The following EIF4G1 variants were observed in gnomAD, a reference collection of about 807,000 sequenced individuals.
EIF4G1 encodes EIF4-gamma.
EIF4G1 carries 4 observed loss-of-function variants against 187.8 expected under a neutral mutation model. The observed-to-expected ratio is 0.02, with a 90% confidence interval of 0.01 to 0.05. The LOEUF (loss-of-function observed/expected upper bound fraction) is 0.05. Ranked by LOEUF, EIF4G1 falls within the 10% of genes least tolerant of loss-of-function variation. EIF4G1 has a pLI of 1.00. For missense variants in EIF4G1, 1,647 were observed against 2,081.1 expected (o/e 0.79, Z 4.06); for synonymous variants, 844 against 781.4 (o/e 1.08, Z -1.34).
At chr3:184,316,655 TC>T in intron 4 of EIF4G1, 2 of 1,516,522 alleles carry the variant, frequency 1.3e-6, no homozygotes, top group East Asian at 2.3e-5. Flanking sequence ...CTTCATTCCC[TC>T]CCCCCGCCAT....
rs1443043896 is a variant in EIF4G1 at position 184,315,467 on chromosome 3, T to A, written c.-91-22T>A. The A allele has an allele frequency of 8.1e-6, 5 of 613,822 alleles. No homozygotes were observed. In the African/African-American group the frequency reaches 9.0e-5, roughly 11 times the overall value. The allele number at this position is 613,822 out of a possible 1,614,324, so 38.0% of individuals were successfully genotyped here. A position where few individuals can be genotyped will look rare whatever the true frequency, so the allele number is the denominator to read the frequency against. On this transcript the variant is annotated intron_variant, in intron 1 of 32. Coordinates refer to ENST00000346169, the MANE Select transcript of EIF4G1 (RefSeq NM_198241.3). The stretch of plus-strand genomic sequence containing the variant: ...CTGGGGCCCCGCGGAGCCAGGTTGA[T>A]ACCCTCACCTCCCAACCCCAGGCCC...
intron 10 of EIF4G1, 57 bp downstream of exon 10, chr3:184,322,160 C>T: frequency 6.2e-7 from 1 of 1,611,776 alleles, no homozygotes; most frequent in Non-Finnish European, 8.5e-7. Flanking sequence ...GTTCCTTGCC[C>T]TCCTTGATGA....
chr3:184,328,089 G>T, intron 26 of EIF4G1, 87 bp downstream of exon 26: 2 of 1,504,326 alleles, frequency 1.3e-6, no homozygotes, highest in Non-Finnish European at 1.8e-6. Flanking sequence ...TTGCATAAGA[G>T]TGTAGGTTCC....
intron 6 of EIF4G1, 31 bp downstream of exon 6, chr3:184,317,847 C>G (rs764745968): frequency 3.9e-5 from 60 of 1,524,994 alleles, no homozygotes; most frequent in Non-Finnish European, 4.5e-5. Flanking sequence ...GAGGTGAGAA[C>G]AAGCCCAAGG....
Position 184,327,914 on chromosome 3 carries a change from C to T in EIF4G1, c.3865C>T (p.Arg1289Cys), listed in dbSNP as rs1023578171. 40 of 1,613,272 alleles carry T rather than the reference C, an allele frequency of 2.5e-5. No individual in the cohort carries two copies. Among genetic ancestry groups the T allele is most frequent in the Non-Finnish European group, 3.2e-5 (38 of 1,180,054 alleles). The change falls in exon 26 of 33, where the codon CGC becomes TGC. Residue 1289 changes from arginine (R) to cysteine (C), a missense_variant. This residue lies in a region of EIF4G1 where 543 missense variants were observed against 638.0 expected (regional missense o/e 0.85). Transcript: ENST00000346169. The part of the protein sequence containing the change: ...VRHGVESTLE[R>C]SAIAREHMGQ... ...GCATGGTGTCGAGTCTACGCTGGAG[C>T]GCAGTGCCATTGCTCGTGAGCATAT...
rs1193095189 is a variant in EIF4G1, at chr3:184,320,590, C to A, written c.538-40C>A. 1.9e-6 allele frequency: 3 copies of A among 1,613,886 alleles called. No individual in the cohort carries two copies. In the East Asian group the frequency reaches 6.7e-5, roughly 36 times the overall value. The stretch of plus-strand genomic sequence containing the variant: ...TTGGGGCAGGGTGGAGAGGTGGGCT[C>A]TTCCTGCTTCCCACTCATCTTATAG... On this transcript the variant is annotated intron_variant, in intron 7 of 32. Transcript: ENST00000346169.
chr3:184,331,717 C>T lies in EIF4G1; in HGVS notation c.4396-11C>T, dbSNP rs1336602558. The T allele has an allele frequency of 6.2e-7, 1 of 1,614,206 alleles. No individual in the cohort carries two copies. Among genetic ancestry groups the T allele is most frequent in the Non-Finnish European group, 8.5e-7 (1 of 1,180,046 alleles). On this transcript the variant is annotated splice_polypyrimidine_tract_variant and intron_variant, in intron 30 of 32. Transcript: ENST00000346169. ...TTCAGAATCTGGGGATCATTTGTTT[C>T]TCCCATACAGGCCAACCTGAGTGAG...
intron 28 of EIF4G1, 143 bp from the exon 29 acceptor site, chr3:184,331,123 T>C (rs1309404762): frequency 1.1e-6 from 1 of 886,732 alleles, no homozygotes; most frequent in Non-Finnish European, 1.9e-6. Context: ...GGGCTTTGCC[T>C]ATTAGTATTT....
At chr3:184,333,391 C>A (rs546555495) in intron 32 of EIF4G1, among the ~76,000 whole-genome samples, 1 of 152,092 alleles carries the variant, frequency 6.6e-6, no homozygotes, top group African/African-American at 2.4e-5. Flanking sequence ...CAGGGTAACT[C>A]ATGTGCAAGT....
intron 4 of EIF4G1, chr3:184,316,656 C>G (rs1487568740): frequency 6.6e-7 from 1 of 1,521,276 alleles, no homozygotes; most frequent in African/African-American, 1.4e-5. Context: ...TTCATTCCCT[C>G]CCCCCGCCAT....
intron 8 of EIF4G1, 32 bp from the exon 9 acceptor site, chr3:184,320,895 G>T (rs772082870): frequency 1.9e-6 from 3 of 1,614,046 alleles, no homozygotes; most frequent in Non-Finnish European, 2.5e-6. Flanking sequence ...GGACTCTTCA[G>T]TGCAAACTTG....
chr3:184,320,042 G>C (rs537268474), intron 7 of EIF4G1, among the ~76,000 whole-genome samples: 1 of 152,286 alleles, frequency 6.6e-6, no homozygotes, highest in African/African-American at 2.4e-5. Context: ...GGTGCTGGGG[G>C]GTTGGAAGAA....
chr3:184,322,371 C>G lies in EIF4G1; in HGVS notation c.1529C>G (p.Ser510Cys), dbSNP rs997186898. ...ATTTATTTTTAATTAGTGGCAGTAT[C>G]TGTGCCAAAGAGGAGACGGAAAATT... ...EAAAATQVAV[S>C]VPKRRRKIKE... The change falls in exon 11 of 33, where the codon TCT (serine) becomes TGT (cysteine). Residue 510 changes from serine to cysteine, a missense_variant. This residue lies in a region of EIF4G1 where 522 missense variants were observed against 485.2 expected (regional missense o/e 1.08). Transcript: ENST00000346169. 4.3e-6 allele frequency: 7 copies of G among 1,613,794 alleles called. No individual in the cohort carries two copies. The highest frequency in any genetic ancestry group is 2.7e-5 in the African/African-American group (2 of 74,880).
At chr3:184,316,870 A>G in intron 4 of EIF4G1, 1 of 910,028 alleles carries the variant, frequency 1.1e-6, no homozygotes, top group Non-Finnish European at 1.7e-6. Context: ...TTGGAGGCCG[A>G]GTGATGCATG....
rs1274264233 is a variant in EIF4G1 at position 184,321,710 on chromosome 3, T to C, written c.1126T>C (p.Ser376Pro). 3.1e-6 allele frequency: 5 copies of C among 1,591,604 alleles called. No homozygotes were observed. The African/African-American group carries it at 6.7e-5, about 21-fold the overall frequency. ...PSEDLEPEVE[S>P]SPELAPPPAC... is the part of the protein sequence containing the mutation. ...TGAAGATCTGGAACCAGAGGTGGAG[T>C]CAAGCCCAGAGCTTGCTCCTCCCCC... is the stretch of plus-strand genomic sequence containing the variant. Residue 376 changes from serine (S) to proline (P), a missense_variant, in exon 10 of 33, where the codon TCA becomes CCA. Coordinates refer to ENST00000346169, the MANE Select transcript of EIF4G1 (RefSeq NM_198241.3).
intron 7 of EIF4G1, chr3:184,320,393 G>A: frequency 7.1e-7 from 1 of 1,418,288 alleles, no homozygotes; most frequent in Non-Finnish European, 9.2e-7. Flanking sequence ...GGGAGGGAGG[G>A]GCATTGTGAT....
Position 184,331,708 on chromosome 3 carries a change from C to T in EIF4G1, c.4396-20C>T, listed in dbSNP as rs76086567. 3.0e-3 allele frequency: 4,770 copies of T among 1,614,124 alleles called. 130 individuals carry two copies. The African/African-American group carries it at 0.055, about 19-fold the overall frequency. ...AGGGCCCAATTCAGAATCTGGGGATCATTTGTTTCTCCCATACAGGCCAAC... is the reference window on the plus strand; with the variant it reads ...AGGGCCCAATTCAGAATCTGGGGATTATTTGTTTCTCCCATACAGGCCAAC... On this transcript the variant is annotated intron_variant, in intron 30 of 32. Coordinates refer to ENST00000346169, the MANE Select transcript of EIF4G1 (RefSeq NM_198241.3).
intron 4 of EIF4G1, chr3:184,316,728 C>T: frequency 6.3e-7 from 1 of 1,596,300 alleles, no homozygotes; most frequent in Non-Finnish European, 8.5e-7. Context: ...ATTCAGGTCT[C>T]TGCAGGTAAT....
chr3:184,321,441 C>A lies in EIF4G1; in HGVS notation c.857C>A (p.Pro286His). 1 of 1,614,166 alleles carries A rather than the reference C, an allele frequency of 6.2e-7. No homozygotes were observed. Among genetic ancestry groups the A allele is most frequent in the Non-Finnish European group, 8.5e-7 (1 of 1,180,030 alleles). The change falls in exon 10 of 33, where the codon CCT (proline) becomes CAT (histidine). Residue 286 changes from proline (P) to histidine (H), a missense_variant. Pro to His is a moderately conservative substitution (Grantham distance 77). This residue lies in a region of EIF4G1 where 522 missense variants were observed against 485.2 expected (regional missense o/e 1.08). Coordinates refer to ENST00000346169, the MANE Select transcript of EIF4G1 (RefSeq NM_198241.3). ...SEPNLAVLSI[P>H]GDTMTTIQMS... ...CCTAATCTCGCAGTCCTCTCTATTC[C>A]TGGGGACACTATGACAACTATACAA...
Sources: gnomAD v4.1 joint callset for allele counts (sites outside exome capture counted in the v4.1 genomes callset) on GRCh38, gnomAD v4.1.1 for gene constraint, gnomAD v4.1.1 regional missense constraint, MANE v1.5 for transcripts, NCBI Gene and HGNC (gene_info 2026-07-23, HGNC 2026-07-21) for gene names.